DNAH5: variants seen among roughly 807,000 people sequenced by gnomAD.
The protein encoded by DNAH5 is axonemal beta dynein heavy chain 5.
In DNAH5, 372 loss-of-function variants were observed where a neutral mutation model predicts 518.2. The observed-to-expected ratio is 0.72, with a 90% CI of 0.66 to 0.78. The LOEUF is 0.78. Among genes scored for constraint, DNAH5 ranks in the 30% least tolerant of loss-of-function variants. DNAH5 has a pLI of 0.00. For missense variants in DNAH5, 5,523 were observed against 5,687.0 expected (o/e 0.97, Z 0.93); for synonymous variants, 2,039 against 2,025.9 (o/e 1.01, Z -0.17).
chr5:13,978,236 G>A (rs170952), intron 1 of DNAH5, among the ~76,000 whole-genome samples: 51,430 of 152,110 alleles, frequency 0.34, 9,257 homozygotes, highest in South Asian at 0.46. Context: ...ACTCAGCCAG[G>A]CATGGTACCC....
Position 13,690,739 on chromosome 5 carries a change from TC to T in DNAH5, c.*1244del. ...GTTAGATGAAGAATTATTAATAACATCTAACCAGAATTTAAAGAAAAATACG... is the reference window on the plus strand; with the variant it reads ...GTTAGATGAAGAATTATTAATAACATTAACCAGAATTTAAAGAAAAATACG... On this transcript the variant is annotated 3_prime_UTR_variant, in exon 79 of 79. Transcript: ENST00000265104. 1 of 152,348 alleles carries T rather than the reference TC, an allele frequency of 6.6e-6. No homozygotes were observed. The highest frequency in any genetic ancestry group is 1.5e-5 in the Non-Finnish European group (1 of 68,018). The allele number at this position is 152,348 out of a possible 1,614,324, so 9.4% of individuals were successfully genotyped here. A position where few individuals can be genotyped will look rare whatever the true frequency, so the allele number is the denominator to read the frequency against.
intron 19 of DNAH5, 84 bp from the exon 20 acceptor site, chr5:13,883,178 A>C (rs1221768236): frequency 2.2e-6 from 3 of 1,345,896 alleles, no homozygotes; most frequent in Non-Finnish European, 3.1e-6. Flanking sequence ...AAATTAAAAC[A>C]ATACATAATA....
chr5:13,767,404 C>T (rs566512643), intron 58 of DNAH5, among the ~76,000 whole-genome samples: 1 of 152,290 alleles, frequency 6.6e-6, no homozygotes, highest in African/African-American at 2.4e-5. Context: ...GAATTACAGG[C>T]GTGAGCCAGC....
In DNAH5 at chr5:13,810,154, T is replaced by A. The variant is rs1296081403; in HGVS notation, c.7514A>T (p.Glu2505Val). ...ALELDGRRRL[E>V]LWLRSRPTGT... Reference sequence around the variant, plus strand: ...TGTGGGCCGAGAGCGCAGCCAGAGCTCCAGGCGGCGCCGTCCGTCCAGCTC... The same window carrying A: ...TGTGGGCCGAGAGCGCAGCCAGAGCACCAGGCGGCGCCGTCCGTCCAGCTC... The change falls in exon 45 of 79, where the codon GAG becomes GTG. Residue 2505 changes from glutamate (E) to valine (V), a missense_variant. Around this residue, in one of 3 missense-constraint regions of DNAH5, gnomAD observed 5,121 missense variants for 5,223.3 expected, o/e 0.98. Coordinates refer to ENST00000265104, the MANE Select transcript of DNAH5 (RefSeq NM_001369.3). The A allele has an allele frequency of 1.3e-6, 2 of 1,548,436 alleles. No homozygotes were observed. The highest frequency in any genetic ancestry group is 1.7e-6 in the Non-Finnish European group (2 of 1,145,692).
At position 13,708,027 on chromosome 5, in the gene DNAH5, T is replaced by C. The variant is rs1743025257; in HGVS notation, c.13338+96A>G. 7.2e-6 allele frequency: 10 copies of C among 1,381,188 alleles called. No homozygotes were observed. In the East Asian group the frequency reaches 1.8e-4, roughly 25 times the overall value. 85.6% of individuals were successfully genotyped at this position (1,381,188 alleles called of 1,614,324 possible). A position where few individuals can be genotyped will look rare whatever the true frequency, so the allele number is the denominator to read the frequency against. On this transcript the variant is annotated intron_variant, in intron 76 of 78. Coordinates refer to ENST00000265104, the MANE Select transcript of DNAH5 (RefSeq NM_001369.3). ...GCTTCGTCCCTGTGCAAAAGAATCATGTTGAGTAAATTATCCTTTCATGCT... is the reference window on the plus strand; with the variant it reads ...GCTTCGTCCCTGTGCAAAAGAATCACGTTGAGTAAATTATCCTTTCATGCT...
chr5:13,928,153 G>C lies in DNAH5; in HGVS notation c.218C>G (p.Ala73Gly), dbSNP rs1415967970. 1.9e-6 allele frequency: 3 copies of C among 1,613,466 alleles called. No individual in the cohort carries two copies. The highest frequency in any genetic ancestry group is 2.5e-6 in the Non-Finnish European group (3 of 1,179,690). ...NQIERIDQLFAVGGLRHLMFY... is the reference protein window; with the variant it reads ...NQIERIDQLFGVGGLRHLMFY... The stretch of plus-strand genomic sequence containing the variant: ...CATGAGGTGTCGGAGACCTCCAACA[G>C]CAAAAAGTTGATCAATTCTTTCAAT... The change falls in exon 3 of 79, where the codon GCT (alanine) becomes GGT (glycine). Residue 73 changes from alanine (A) to glycine (G), a missense_variant. Coordinates refer to ENST00000265104, the MANE Select transcript of DNAH5 (RefSeq NM_001369.3).
rs370080157 is a variant in DNAH5, at chr5:13,885,151, C to T, written c.2821G>A (p.Val941Ile). 81 of 1,614,102 alleles carry T rather than the reference C, an allele frequency of 5.0e-5. 1 individual carries two copies. The South Asian group carries it at 5.2e-4, about 10-fold the overall frequency. ...ARANALLLTT[V>I]TRKKKETEML... is the part of the protein sequence containing the mutation. The stretch of plus-strand genomic sequence containing the variant: ...TCAGTTTCTTTCTTTTTCCTCGTGA[C>T]TGTCGTCAAAAGCAGGGCATTGGCC... The change falls in exon 19 of 79, where the codon GTC becomes ATC. Residue 941 changes from valine to isoleucine, a missense_variant. By Grantham distance (29) the Val-to-Ile change is conservative. Transcript: ENST00000265104.
intron 38 of DNAH5, among the ~76,000 whole-genome samples, chr5:13,825,888 T>C (rs1762832621): frequency 1.3e-5 from 2 of 152,154 alleles, no homozygotes; most frequent in African/African-American, 2.4e-5. Flanking sequence ...AAAAAATGTA[T>C]AGGAAAAAAC....
At chr5:13,964,804 G>C (rs1561014835) in intron 1 of DNAH5, among the ~76,000 whole-genome samples, 1 of 152,218 alleles carries the variant, frequency 6.6e-6, no homozygotes, top group Non-Finnish European at 1.5e-5. Flanking sequence ...GTAGGATCAG[G>C]AATGAGAAGA....
chr5:13,865,658 A>G lies in DNAH5; in HGVS notation c.4355+10T>C, dbSNP rs749306913. 4.0e-6 allele frequency: 6 copies of G among 1,498,492 alleles called. No homozygotes were observed. The highest frequency in any genetic ancestry group is 5.6e-6 in the Non-Finnish European group (6 of 1,075,068). The allele number at this position is 1,498,492 out of a possible 1,614,324, so 92.8% of individuals were successfully genotyped here. ...CAATTGCTGGGCATGCTAAACATTTAATTTCTTACCTGTTCTGGAATTCTA... is the reference window on the plus strand; with the variant it reads ...CAATTGCTGGGCATGCTAAACATTTGATTTCTTACCTGTTCTGGAATTCTA... On this transcript the variant is annotated intron_variant, in intron 27 of 78. Transcript: ENST00000265104.
rs199841746 is a variant in DNAH5, at chr5:13,778,596, AAGAG to A, written c.8952-1245_8952-1242del. Reference sequence around the variant, plus strand: ...AAAGAAAGAAAGAAAGAAAGAAAGAAAGAGAGAGAGAAAGAAAAAGAAAGAAAGA... The same window carrying A: ...AAAGAAAGAAAGAAAGAAAGAAAGAAAGAGAGAAAGAAAAAGAAAGAAAGA... On this transcript the variant is annotated intron_variant, in intron 53 of 78. Transcript: ENST00000265104. Among the ~76,000 whole-genome samples, 150 of 102,238 alleles carry A rather than the reference AAGAG, an allele frequency of 1.5e-3. 1 individual carries two copies. The highest frequency in any genetic ancestry group is 4.7e-3 in the Middle Eastern group (1 of 212). The allele number at this position is 102,238 out of a possible 152,430, so 67.1% of individuals were successfully genotyped here.
chr5:14,006,071 TC>T (rs201442837), intron 1 of DNAH5, among the ~76,000 whole-genome samples: 2,637 of 105,086 alleles, frequency 0.025, 32 homozygotes, highest in Non-Finnish European at 0.04. Flanking sequence ...ACCCAACACC[TC>T]CCCACACCCA....
At chr5:13,948,313 T>A (rs1366926349), upstream of DNAH5, among the ~76,000 whole-genome samples, 1 of 152,166 alleles carries the variant, frequency 6.6e-6, no homozygotes, top group Non-Finnish European at 1.5e-5. Context: ...ATGGGGGTGA[T>A]GTTTAAAAGA....
intron 19 of DNAH5, among the ~76,000 whole-genome samples, chr5:13,884,403 A>C (rs1030119089): frequency 6.6e-6 from 1 of 152,250 alleles, no homozygotes; most frequent in Non-Finnish European, 1.5e-5. Flanking sequence ...ATTAACAAAA[A>C]CTTAAGCAAA....
At chr5:13,776,988 A>G (rs1754184847) in intron 54 of DNAH5, among the ~76,000 whole-genome samples, 1 of 152,104 alleles carries the variant, frequency 6.6e-6, no homozygotes, top group Admixed American at 6.6e-5. Flanking sequence ...TTGTTATTGG[A>G]ACATTCACTG....
intron 19 of DNAH5, 90 bp from the exon 20 acceptor site, chr5:13,883,184 T>C: frequency 7.8e-7 from 1 of 1,281,756 alleles, no homozygotes; most frequent in Non-Finnish European, 1.1e-6. Flanking sequence ...AAACAATACA[T>C]AATAGGTATA....
At chr5:13,820,568 T>G in intron 40 of DNAH5, 69 bp from the exon 41 acceptor site, 2 of 1,578,218 alleles carry the variant, frequency 1.3e-6, no homozygotes, top group Non-Finnish European at 1.7e-6. Context: ...CTCACGCCTG[T>G]AATCCCAACA....
At chr5:14,003,120 C>T (rs1784476259) in intron 1 of DNAH5, among the ~76,000 whole-genome samples, 1 of 152,142 alleles carries the variant, frequency 6.6e-6, no homozygotes, top group Non-Finnish European at 1.5e-5. Flanking sequence ...ATACATCATT[C>T]TCATTGTCCT....
At chr5:13,888,529 T>C (rs903557297) in intron 17 of DNAH5, among the ~76,000 whole-genome samples, 5 of 152,250 alleles carry the variant, frequency 3.3e-5, no homozygotes, top group South Asian at 2.1e-4. Flanking sequence ...TTCTCCATAA[T>C]TGAATTATGA....
Sources: allele counts gnomAD v4.1 joint callset (sites outside exome capture counted in the v4.1 genomes callset), GRCh38; gene constraint gnomAD v4.1.1; regional missense constraint gnomAD v4.1.1; transcripts MANE v1.5; gene names NCBI Gene and HGNC (gene_info 2026-07-23, HGNC 2026-07-21).